SPOCK1: variants seen among roughly 807,000 people sequenced by gnomAD.
SPOCK1 encodes the protein testican-1.
In SPOCK1, 23 loss-of-function variants were observed where a neutral mutation model predicts 55.3. The ratio of observed to expected loss-of-function variants is 0.42; its 90% confidence interval spans 0.30 to 0.59. The LOEUF (loss-of-function observed/expected upper bound fraction) is 0.59. Ranked by LOEUF, SPOCK1 falls within the 20% of genes least tolerant of loss-of-function variation. The probability of loss-of-function intolerance (pLI) is 0.22; values close to 1 mark genes in which losing one functional copy is unlikely to be tolerated. For synonymous variants in SPOCK1, 226 were observed against 221.0 expected (o/e 1.02, Z -0.20); for missense variants, 499 against 552.5 (o/e 0.90, Z 0.97).
At chr5:137,444,500 C>T (rs1160572198) in intron 2 of SPOCK1, among the ~76,000 whole-genome samples, 1 of 152,174 alleles carries the variant, frequency 6.6e-6, no homozygotes, top group East Asian at 1.9e-4. Context: ...TGCTAAGTCA[C>T]AGCAGAGACA....
intron 3 of SPOCK1, among the ~76,000 whole-genome samples, chr5:137,189,833 C>T (rs759395679): frequency 3.3e-5 from 5 of 151,954 alleles, no homozygotes; most frequent in African/African-American, 9.7e-5. Context: ...CCATTAAATA[C>T]ATTAGTGATT....
In SPOCK1 at chr5:136,979,606, G is replaced by T. The variant is rs1232260491; in HGVS notation, c.992-137C>A. 11 of 1,143,930 alleles carry T rather than the reference G, an allele frequency of 9.6e-6. No homozygotes were observed. In the East Asian group the frequency reaches 1.5e-4, roughly 15 times the overall value. The allele number at this position is 1,143,930 out of a possible 1,614,324, so 70.9% of individuals were successfully genotyped here. A position where few individuals can be genotyped will look rare whatever the true frequency, so the allele number is the denominator to read the frequency against. ...CAGCAGCAGAGGATGGGGATGGTTG[G>T]CTATTAGTCAAAATTACAGGGCCCT... On this transcript the variant is annotated intron_variant, in intron 9 of 10. Coordinates refer to ENST00000394945, the MANE Select transcript of SPOCK1 (RefSeq NM_004598.4).
intron 2 of SPOCK1, among the ~76,000 whole-genome samples, chr5:137,398,650 A>G (rs1751907609): frequency 6.6e-6 from 1 of 152,160 alleles, no homozygotes; most frequent in Non-Finnish European, 1.5e-5. Flanking sequence ...CTAAACAAAT[A>G]CTCAACAAAT....
rs113472127 is a variant in SPOCK1, at chr5:137,326,642, C to T, written c.187-59587G>A. On this transcript the variant is annotated intron_variant, in intron 2 of 10. Transcript: ENST00000394945. ...GATGTGGATATGAATAATTAAGGCCCTATTAAACATGCACACATCTTGTAA... is the reference window on the plus strand; with the variant it reads ...GATGTGGATATGAATAATTAAGGCCTTATTAAACATGCACACATCTTGTAA... Among the ~76,000 whole-genome samples, 552 of 152,312 alleles carry T rather than the reference C, an allele frequency of 3.6e-3. 7 individuals are homozygous for T. The highest frequency in any genetic ancestry group is 0.013 in the African/African-American group (533 of 41,580).
intron 2 of SPOCK1, among the ~76,000 whole-genome samples, chr5:137,490,200 T>C (rs1427539377): frequency 6.6e-6 from 1 of 152,188 alleles, no homozygotes. Context: ...ACAACCAACC[T>C]GCTTGGGCTG....
At chr5:137,073,253 G>A (rs1752651360) in intron 5 of SPOCK1, among the ~76,000 whole-genome samples, 1 of 152,230 alleles carries the variant, frequency 6.6e-6, no homozygotes, top group Non-Finnish European at 1.5e-5. Context: ...AGGCATTGAT[G>A]GGAGTCAGGG....
At chr5:137,368,307 A>G (rs1169472319) in intron 2 of SPOCK1, among the ~76,000 whole-genome samples, 1 of 152,186 alleles carries the variant, frequency 6.6e-6, no homozygotes, top group Non-Finnish European at 1.5e-5. Context: ...CATGGGGAGG[A>G]GGGTTACAAG....
intron 3 of SPOCK1, among the ~76,000 whole-genome samples, chr5:137,199,581 C>T (rs1326493994): frequency 1.3e-5 from 2 of 152,164 alleles, no homozygotes; most frequent in Non-Finnish European, 2.9e-5. Context: ...CCTCCTTGAA[C>T]ATTTATTTTG....
chr5:137,065,945 G>A (rs879045387), intron 6 of SPOCK1, among the ~76,000 whole-genome samples: 5 of 152,250 alleles, frequency 3.3e-5, no homozygotes, highest in Admixed American at 3.3e-4. Context: ...CACCTGGAGT[G>A]TCAGTCTCAT....
chr5:137,111,837 C>A (rs909799047), intron 5 of SPOCK1, among the ~76,000 whole-genome samples: 1 of 152,150 alleles, frequency 6.6e-6, no homozygotes. Flanking sequence ...CATATTTTAT[C>A]CCAGCCCCTT....
intron 5 of SPOCK1, among the ~76,000 whole-genome samples, chr5:137,098,540 A>G (rs1194011273): frequency 1.3e-5 from 2 of 152,188 alleles, no homozygotes; most frequent in Non-Finnish European, 2.9e-5. Context: ...AACTCTATGG[A>G]CTAAAGGTCT....
intron 2 of SPOCK1, among the ~76,000 whole-genome samples, chr5:137,342,943 T>G (rs1442226062): frequency 6.6e-6 from 1 of 152,272 alleles, no homozygotes; most frequent in Non-Finnish European, 1.5e-5. Flanking sequence ...GGAAATGAGC[T>G]GAACCTCATT....
intron 4 of SPOCK1, among the ~76,000 whole-genome samples, chr5:137,124,628 T>C (rs1753746664): frequency 6.6e-6 from 1 of 152,142 alleles, no homozygotes; most frequent in African/African-American, 2.4e-5. Flanking sequence ...CAGTCAGCAG[T>C]GTGCACACTC....
intron 2 of SPOCK1, among the ~76,000 whole-genome samples, chr5:137,421,792 T>C (rs1002299585): frequency 6.6e-6 from 1 of 152,212 alleles, no homozygotes; most frequent in Non-Finnish European, 1.5e-5. Context: ...ATTTAGCCCA[T>C]TTACATTTAA....
rs554441563 is a variant in SPOCK1 at position 137,229,253 on chromosome 5, A to G, written c.232+37757T>C. 3.9e-5 allele frequency among the ~76,000 whole-genome samples: 6 copies of G among 152,354 alleles called. No individual in the cohort carries two copies. In the South Asian group the frequency reaches 8.3e-4, roughly 21 times the overall value. The stretch of plus-strand genomic sequence containing the variant: ...GAAAAAAAGAAAATAATGTATATTG[A>G]TCTTGGCAAAAGTATGAATTGGGAC... On this transcript the variant is annotated intron_variant, in intron 3 of 10. Transcript: ENST00000394945.
At chr5:137,177,724 C>T (rs1350955060) in intron 3 of SPOCK1, among the ~76,000 whole-genome samples, 1 of 151,966 alleles carries the variant, frequency 6.6e-6, no homozygotes, top group African/African-American at 2.4e-5. Context: ...AGAAGGGGAG[C>T]CCCAAGCATT....
intron 2 of SPOCK1, among the ~76,000 whole-genome samples, chr5:137,387,503 T>A (rs1580898139): frequency 1.3e-5 from 2 of 152,338 alleles, no homozygotes; most frequent in East Asian, 3.9e-4. Flanking sequence ...ATGGAGGAAC[T>A]TCAAATGCAT....
chr5:137,450,338 T>C (rs546332315), intron 2 of SPOCK1, among the ~76,000 whole-genome samples: 1 of 152,308 alleles, frequency 6.6e-6, no homozygotes, highest in African/African-American at 2.4e-5. Flanking sequence ...CTGCTGTGAT[T>C]CTTGTCCTTT....
At chr5:137,231,594 A>G (rs1756066238) in intron 3 of SPOCK1, among the ~76,000 whole-genome samples, 1 of 152,238 alleles carries the variant, frequency 6.6e-6, no homozygotes, top group South Asian at 2.1e-4. Flanking sequence ...GCAAAGTACT[A>G]TTCCATGGTA....
Sources: gnomAD v4.1 joint callset for allele counts (sites outside exome capture counted in the v4.1 genomes callset) on GRCh38, gnomAD v4.1.1 for gene constraint, MANE v1.5 for transcripts, NCBI Gene and HGNC (gene_info 2026-07-23, HGNC 2026-07-21) for gene names.